Variants in COL8A1 observed in about 807,000 individuals in gnomAD.
The protein encoded by COL8A1 is collagen type VIII alpha 1 chain.
Under a neutral mutation model 42.7 loss-of-function variants are expected in COL8A1, and 21 were observed. The ratio of observed to expected loss-of-function variants is 0.49; its 90% confidence interval spans 0.35 to 0.71. The LOEUF (loss-of-function observed/expected upper bound fraction) is 0.71. Among genes scored for constraint, COL8A1 ranks in the 30% least tolerant of loss-of-function variants. The pLI, the probability that COL8A1 is intolerant of heterozygous loss-of-function variation, is 0.01. For synonymous variants in COL8A1, 367 were observed against 369.1 expected (o/e 0.99, Z 0.06); for missense variants, 788 against 962.4 (o/e 0.82, Z 2.40).
chr3:99,792,143 T>C (rs953542434), intron 3 of COL8A1, among the ~76,000 whole-genome samples: 2 of 152,206 alleles, frequency 1.3e-5, no homozygotes, highest in African/African-American at 2.4e-5. Flanking sequence ...ACTATAATCA[T>C]ATCTATTCAT....
At chr3:99,728,510 T>C (rs1940404320) in intron 1 of COL8A1, among the ~76,000 whole-genome samples, 1 of 152,040 alleles carries the variant, frequency 6.6e-6, no homozygotes, top group African/African-American at 2.4e-5. Flanking sequence ...GAGCATCATT[T>C]TAATGATTTA....
chr3:99,692,214 G>A (rs1939241664), intron 1 of COL8A1, among the ~76,000 whole-genome samples: 1 of 152,090 alleles, frequency 6.6e-6, no homozygotes, highest in African/African-American at 2.4e-5. Context: ...ATACATCCAT[G>A]GTACAAGATG....
At chr3:99,712,392 G>C (rs535202711) in intron 1 of COL8A1, among the ~76,000 whole-genome samples, 1 of 152,020 alleles carries the variant, frequency 6.6e-6, no homozygotes, top group Non-Finnish European at 1.5e-5. Flanking sequence ...GCTTGGCAAG[G>C]CATGTTGGCC....
At chr3:99,780,872 C>T (rs1336597451) in intron 2 of COL8A1, among the ~76,000 whole-genome samples, 5 of 152,090 alleles carry the variant, frequency 3.3e-5, no homozygotes. Flanking sequence ...AAATAAATTC[C>T]ACCCCTTAAA....
intron 1 of COL8A1, among the ~76,000 whole-genome samples, chr3:99,721,515 G>A (rs1940155749): frequency 6.6e-6 from 1 of 151,870 alleles, no homozygotes; most frequent in African/African-American, 2.4e-5. Context: ...AGAGAGAGAG[G>A]AGACAGGGAC....
intron 2 of COL8A1, among the ~76,000 whole-genome samples, chr3:99,774,348 AT>A (rs1000225609): frequency 6.6e-6 from 1 of 151,656 alleles, no homozygotes; most frequent in African/African-American, 2.4e-5. Context: ...ATAACTCATC[AT>A]TTTTTTCAGT....
At chr3:99,643,832 G>A (rs1297420971) in intron 1 of COL8A1, among the ~76,000 whole-genome samples, 2 of 152,166 alleles carry the variant, frequency 1.3e-5, no homozygotes, top group African/African-American at 4.8e-5. Context: ...GAGATTTACA[G>A]CGTAACTCTC....
chr3:99,791,540 G>T (rs1942000896), intron 3 of COL8A1, among the ~76,000 whole-genome samples: 1 of 152,204 alleles, frequency 6.6e-6, no homozygotes, highest in Non-Finnish European at 1.5e-5. Context: ...TCAACAGAAG[G>T]AAACTAAGAG....
intron 1 of COL8A1, among the ~76,000 whole-genome samples, chr3:99,698,310 A>C (rs181579825): frequency 3.3e-5 from 5 of 152,330 alleles, no homozygotes; most frequent in African/African-American, 1.2e-4. Context: ...AGCATGATTT[A>C]TAATCCTTTG....
chr3:99,780,731 G>A (rs546380288), intron 2 of COL8A1, among the ~76,000 whole-genome samples: 1 of 152,192 alleles, frequency 6.6e-6, no homozygotes, highest in African/African-American at 2.4e-5. Flanking sequence ...TGAAGACCTG[G>A]CATCTGTTAC....
At chr3:99,750,265 C>A (rs1010612097) in intron 2 of COL8A1, among the ~76,000 whole-genome samples, 1 of 151,934 alleles carries the variant, frequency 6.6e-6, no homozygotes, top group African/African-American at 2.4e-5. Flanking sequence ...CCATGTTGGC[C>A]AGGCTGGTCT....
chr3:99,710,171 A>G (rs929112807), intron 1 of COL8A1, among the ~76,000 whole-genome samples: 1 of 152,178 alleles, frequency 6.6e-6, no homozygotes, highest in Non-Finnish European at 1.5e-5. Context: ...GTTAAACTAG[A>G]AGAAGATGAC....
intron 1 of COL8A1, among the ~76,000 whole-genome samples, chr3:99,740,282 C>T (rs191311890): frequency 5.3e-5 from 8 of 152,302 alleles, no homozygotes; most frequent in African/African-American, 1.7e-4. Flanking sequence ...GTTCCAAAGT[C>T]GCTTCCACAT....
intron 1 of COL8A1, among the ~76,000 whole-genome samples, chr3:99,740,292 T>A (rs879321852): frequency 6.6e-6 from 1 of 152,188 alleles, no homozygotes. Context: ...CGCTTCCACA[T>A]TTTCAGGTAT....
At chr3:99,770,986 G>A (rs1941568986) in intron 2 of COL8A1, among the ~76,000 whole-genome samples, 1 of 152,184 alleles carries the variant, frequency 6.6e-6, no homozygotes, top group Non-Finnish European at 1.5e-5. Context: ...CCCAAAACCT[G>A]CATGACATGA....
chr3:99,772,786 C>G (rs1192191234), intron 2 of COL8A1, among the ~76,000 whole-genome samples: 1 of 152,166 alleles, frequency 6.6e-6, no homozygotes, highest in East Asian at 1.9e-4. Context: ...GGCCAGAACT[C>G]ATAGGGAGTG....
At chr3:99,642,676 G>A (rs1190416604) in intron 1 of COL8A1, among the ~76,000 whole-genome samples, 3 of 152,156 alleles carry the variant, frequency 2.0e-5, no homozygotes, top group Non-Finnish European at 4.4e-5. Flanking sequence ...TAGTCCCTCT[G>A]TGACATTTCC....
chr3:99,738,262 T>C (rs1940792187), intron 1 of COL8A1, among the ~76,000 whole-genome samples: 2 of 152,258 alleles, frequency 1.3e-5, no homozygotes, highest in African/African-American at 4.8e-5. Context: ...GTTCCATCGC[T>C]GGTGAGGAAC....
intron 1 of COL8A1, among the ~76,000 whole-genome samples, chr3:99,662,992 C>T (rs143360855): frequency 3.5e-4 from 54 of 152,162 alleles, no homozygotes; most frequent in Non-Finnish European, 6.3e-4. Flanking sequence ...TTTTCACTCC[C>T]GGTAGATGAC....
Sources: gnomAD v4.1 joint callset for allele counts (sites outside exome capture counted in the v4.1 genomes callset) on GRCh38, gnomAD v4.1.1 for gene constraint, MANE v1.5 for transcripts, NCBI Gene and HGNC (gene_info 2026-07-23, HGNC 2026-07-21) for gene names.